The following RERE variants were observed in gnomAD, a reference collection of about 807,000 sequenced individuals.
RERE encodes arginine-glutamic acid dipeptide repeats.
In RERE, 40 loss-of-function variants were observed where a neutral mutation model predicts 146.1. The observed-to-expected ratio is 0.27, with a 90% confidence interval of 0.21 to 0.36. The LOEUF (loss-of-function observed/expected upper bound fraction) is 0.36. RERE is among the 10% of genes least tolerant of loss of function. The pLI, the probability that RERE is intolerant of heterozygous loss-of-function variation, is 1.00. For synonymous variants in RERE, 1,003 were observed against 866.0 expected, an observed-to-expected ratio of 1.16 and a Z score of -2.78; for missense variants, 1,933 against 2,138.7, an observed-to-expected ratio of 0.90 and a Z score of 1.90.
At chr1:8,491,481 T>A (rs561396685) in intron 10 of RERE, among the ~76,000 whole-genome samples, 1 of 150,650 alleles carries the variant, frequency 6.6e-6, no homozygotes, top group Non-Finnish European at 1.5e-5. Context: ...CAGCTGGGCA[T>A]GGTAGTGCAC....
intron 1 of RERE, among the ~76,000 whole-genome samples, chr1:8,758,059 C>A (rs1385254714): frequency 6.6e-6 from 1 of 151,778 alleles, no homozygotes; most frequent in African/African-American, 2.4e-5. Flanking sequence ...TATGATCCCA[C>A]GTATATGCAG....
intron 12 of RERE, among the ~76,000 whole-genome samples, chr1:8,404,879 C>A (rs981763136): frequency 6.6e-6 from 1 of 152,164 alleles, no homozygotes; most frequent in Non-Finnish European, 1.5e-5. Context: ...TCACCCCACC[C>A]TCCTTGAGAA....
At chr1:8,553,704 C>A (rs746672058) in intron 6 of RERE, among the ~76,000 whole-genome samples, 2 of 152,132 alleles carry the variant, frequency 1.3e-5, no homozygotes, top group Non-Finnish European at 2.9e-5. Flanking sequence ...TAATTATATA[C>A]CCAGTGAAAA....
intron 11 of RERE, among the ~76,000 whole-genome samples, chr1:8,449,878 A>G (rs1173189417): frequency 6.6e-6 from 1 of 152,316 alleles, no homozygotes; most frequent in Non-Finnish European, 1.5e-5. Flanking sequence ...AGAATTACTC[A>G]AGAGAGAATA....
intron 12 of RERE, among the ~76,000 whole-genome samples, chr1:8,401,030 A>C (rs1295447017): frequency 2.4e-5 from 1 of 40,856 alleles, no homozygotes; most frequent in Non-Finnish European, 6.1e-5. Flanking sequence ...AAAAAAAAAA[A>C]AAAAAACCAT....
intron 11 of RERE, among the ~76,000 whole-genome samples, chr1:8,447,498 T>C (rs1407109679): frequency 6.6e-6 from 1 of 152,206 alleles, no homozygotes; most frequent in Non-Finnish European, 1.5e-5. Context: ...ATCCTTTGTG[T>C]TGATGTTGAT....
intron 1 of RERE, among the ~76,000 whole-genome samples, chr1:8,706,143 G>A (rs560806594): frequency 3.4e-4 from 47 of 140,288 alleles, no homozygotes; most frequent in African/African-American, 1.2e-3. Context: ...AAAAAAGAAT[G>A]TCTTCTATTA....
intron 1 of RERE, among the ~76,000 whole-genome samples, chr1:8,675,742 C>CATAT (rs1638826707): frequency 7.5e-6 from 1 of 134,024 alleles, no homozygotes; most frequent in Non-Finnish European, 1.7e-5. Flanking sequence ...TACATATATA[C>CATAT]ATACATACAT....
Position 8,361,299 on chromosome 1 carries a change from G to A in RERE, c.2208C>T (p.Ala736=). Residue 736 remains alanine, a synonymous_variant, in exon 18 of 23, where the codon GCC becomes GCT. Transcript: ENST00000400908. Reference sequence around the variant, plus strand: ...TGGGAGCCTGCAAGGCTGGGGGCTGGGCCTGCAGCATCTGCTGCTGGGCTG... The same window carrying A: ...TGGGAGCCTGCAAGGCTGGGGGCTGAGCCTGCAGCATCTGCTGCTGGGCTG... The part of the protein sequence containing the change: ...DSSAQQQMLQ[A]QPPALQAPTG... 2 of 1,608,224 alleles carry A rather than the reference G, an allele frequency of 1.2e-6. No homozygotes were observed. The highest frequency in any genetic ancestry group is 1.7e-6 in the Non-Finnish European group (2 of 1,177,254).
chr1:8,465,823 T>C (rs1436569258), intron 11 of RERE, 102 bp downstream of exon 11: 1 of 958,890 alleles, frequency 1.0e-6, no homozygotes, highest in Admixed American at 1.8e-5. Flanking sequence ...CCATTCTGCA[T>C]GACTGAAGCT....
intron 1 of RERE, among the ~76,000 whole-genome samples, chr1:8,674,587 T>C (rs1186898416): frequency 6.6e-6 from 1 of 152,202 alleles, no homozygotes; most frequent in African/African-American, 2.4e-5. Context: ...CTTTCTAAGC[T>C]TCCATCTCAT....
At chr1:8,685,503 C>T (rs1301165152) in intron 1 of RERE, among the ~76,000 whole-genome samples, 5 of 152,068 alleles carry the variant, frequency 3.3e-5, no homozygotes, top group Admixed American at 6.6e-5. Context: ...GGGTGGATCG[C>T]GAGGTCAGGA....
At chr1:8,578,628 C>G (rs1445776696) in intron 4 of RERE, among the ~76,000 whole-genome samples, 3 of 151,990 alleles carry the variant, frequency 2.0e-5, no homozygotes, top group African/African-American at 7.3e-5. Flanking sequence ...TTAAAACAAG[C>G]AGAACCCAGC....
chr1:8,384,710 T>C (rs1458514232), intron 12 of RERE, among the ~76,000 whole-genome samples: 2 of 152,210 alleles, frequency 1.3e-5, no homozygotes, highest in Non-Finnish European at 2.9e-5. Flanking sequence ...TTACAGACAA[T>C]TAACAGTTCT....
rs577835550 is a variant in RERE, at chr1:8,360,375, A to G, written c.3132T>C (p.Pro1044=). ...GGCAGGTCGGAGGGGTGATGGGAGG[A>G]GGGCCTCCAGGGACAAAGGGGTGCT... ...FAQHPFVPGG[P]PPITPPTCPS... is the part of the protein sequence containing the mutation. Residue 1044 remains proline, a synonymous_variant, in exon 18 of 23, where the codon CCT becomes CCC. Coordinates refer to ENST00000400908, the MANE Select transcript of RERE (RefSeq NM_001042681.2). The G allele has an allele frequency of 1.3e-3, 1,481 of 1,171,316 alleles. 10 individuals carry two copies. The highest frequency in any genetic ancestry group is 8.9e-3 in the South Asian group (532 of 59,814). The allele number at this position is 1,171,316 out of a possible 1,614,324, so 72.6% of individuals were successfully genotyped here. A position where few individuals can be genotyped will look rare whatever the true frequency, so the allele number is the denominator to read the frequency against.
intron 1 of RERE, among the ~76,000 whole-genome samples, chr1:8,669,424 T>G (rs1430714158): frequency 1.3e-5 from 2 of 152,098 alleles, no homozygotes; most frequent in African/African-American, 4.8e-5. Flanking sequence ...ATAGGTAAAT[T>G]ATATGACATG....
chr1:8,422,917 C>A, intron 11 of RERE, 110 bp from the exon 12 acceptor site: 1 of 783,392 alleles, frequency 1.3e-6, no homozygotes. Context: ...AAAGTCTCGG[C>A]TAGGGAATAC....
chr1:8,499,504 C>T (rs983761593), intron 8 of RERE, among the ~76,000 whole-genome samples: 33 of 152,188 alleles, frequency 2.2e-4, no homozygotes, highest in African/African-American at 8.0e-4. Flanking sequence ...GAATGGGACC[C>T]AGTGTGTGTA....
chr1:8,600,252 A>C (rs1646605485), intron 4 of RERE, among the ~76,000 whole-genome samples: 1 of 152,180 alleles, frequency 6.6e-6, no homozygotes, highest in South Asian at 2.1e-4. Flanking sequence ...CTTTATAAAA[A>C]TCACCCAGTC....
Sources: allele counts gnomAD v4.1 joint callset (sites outside exome capture counted in the v4.1 genomes callset), GRCh38; gene constraint gnomAD v4.1.1; transcripts MANE v1.5; gene names NCBI Gene and HGNC (gene_info 2026-07-23, HGNC 2026-07-21).